Variants in FSTL5 observed in about 807,000 individuals in gnomAD.
The protein encoded by FSTL5 is follistatin like 5, also known as follistatin-related protein 5.
A neutral mutation model predicts 89.1 loss-of-function variants in FSTL5; 62 were observed. That is an observed-to-expected ratio of 0.70 (90% CI 0.57 to 0.86). The LOEUF (loss-of-function observed/expected upper bound fraction) is 0.86, where lower values mean the gene tolerates loss of function less well. FSTL5 is among the 40% of genes least tolerant of loss of function. The probability of loss-of-function intolerance (pLI) is 0.00; values close to 1 mark genes in which losing one functional copy is unlikely to be tolerated. For synonymous variants in FSTL5, 383 were observed against 346.2 expected (o/e 1.11, Z -1.18); for missense variants, 1,057 against 1,001.6 (o/e 1.06, Z -0.75).
At chr4:161,427,346 C>A (rs1370319835) in intron 15 of FSTL5, among the ~76,000 whole-genome samples, 2 of 152,182 alleles carry the variant, frequency 1.3e-5, no homozygotes, top group Middle Eastern at 3.2e-3. Context: ...AAACCTATAG[C>A]TGCATTTGTG....
chr4:161,640,860 C>T (rs1735933613), intron 7 of FSTL5, among the ~76,000 whole-genome samples: 1 of 134,058 alleles, frequency 7.5e-6, no homozygotes, highest in Non-Finnish European at 1.5e-5. Flanking sequence ...AGACACTTTA[C>T]AATCAAACCT....
intron 15 of FSTL5, among the ~76,000 whole-genome samples, chr4:161,396,665 A>G (rs1056313089): frequency 1.1e-4 from 16 of 151,614 alleles, no homozygotes; most frequent in Non-Finnish European, 2.2e-4. Flanking sequence ...AAAAAAAAAA[A>G]AAAGAAAAGA....
In FSTL5 at chr4:161,455,035, G is replaced by T. The variant is rs142056670; in HGVS notation, c.1810C>A (p.Pro604Thr). 1.2e-5 allele frequency: 19 copies of T among 1,613,232 alleles called. No homozygotes were observed. In the African/African-American group the frequency reaches 2.3e-4, roughly 19 times the overall value. The change falls in exon 15 of 16, where the codon CCC becomes ACC. Residue 604 changes from proline to threonine, a missense_variant. Pro to Thr is a conservative substitution (Grantham distance 38, BLOSUM62 -1). This residue lies in a region of FSTL5 where 980 missense variants were observed against 903.2 expected (regional missense o/e 1.08). Transcript: ENST00000306100. ...TGGGTGATAATGAGTGTTGTGGTGG[G>T]AATGAAAAAATCATCCACTCTGTCA... ...QFDRVDDFFI[P>T]TTTLIITHMR... is the part of the protein sequence containing the mutation.
At chr4:161,864,015 C>T (rs1048684938) in intron 4 of FSTL5, among the ~76,000 whole-genome samples, 5 of 152,156 alleles carry the variant, frequency 3.3e-5, no homozygotes, top group Non-Finnish European at 5.9e-5. Flanking sequence ...TTAGTTGGAA[C>T]CCCCATAAAG....
At chr4:162,098,774 A>G (rs1318471062) in intron 2 of FSTL5, among the ~76,000 whole-genome samples, 1 of 152,090 alleles carries the variant, frequency 6.6e-6, no homozygotes, top group African/African-American at 2.4e-5. Flanking sequence ...AATCACATAA[A>G]TATAACCAAC....
chr4:161,849,584 A>G (rs897362910), intron 4 of FSTL5, among the ~76,000 whole-genome samples: 2 of 151,610 alleles, frequency 1.3e-5, no homozygotes, highest in Admixed American at 1.3e-4. Context: ...ATTCTATTGG[A>G]TATTTTCCCT....
intron 7 of FSTL5, among the ~76,000 whole-genome samples, chr4:161,598,242 G>A (rs534145045): frequency 6.6e-6 from 1 of 152,098 alleles, no homozygotes; most frequent in Non-Finnish European, 1.5e-5. Context: ...GGGTGTGGTG[G>A]CATGCACCTG....
chr4:161,470,984 G>A (rs11100368), intron 13 of FSTL5, among the ~76,000 whole-genome samples: 150,613 of 152,332 alleles, frequency 0.99, 74,483 homozygotes, highest in Middle Eastern at 1. Flanking sequence ...AGTGTTTTGC[G>A]TAATTTTTAG....
At chr4:161,781,418 T>A (rs898927931) in intron 4 of FSTL5, among the ~76,000 whole-genome samples, 5 of 152,156 alleles carry the variant, frequency 3.3e-5, no homozygotes. Context: ...TTTTGAACTT[T>A]ACTTAAGTGT....
chr4:162,002,297 A>C (rs1736487283), intron 3 of FSTL5, among the ~76,000 whole-genome samples: 1 of 152,196 alleles, frequency 6.6e-6, no homozygotes, highest in Non-Finnish European at 1.5e-5. Flanking sequence ...TCTTCCCCTA[A>C]ATCCAGCTGT....
At chr4:161,840,299 G>A (rs972334006) in intron 4 of FSTL5, among the ~76,000 whole-genome samples, 3 of 152,070 alleles carry the variant, frequency 2.0e-5, no homozygotes, top group Non-Finnish European at 4.4e-5. Flanking sequence ...GTTTTCAAAT[G>A]ACTTCATTAA....
chr4:162,132,467 C>T (rs763493911), intron 1 of FSTL5, among the ~76,000 whole-genome samples: 2 of 152,088 alleles, frequency 1.3e-5, no homozygotes, highest in Non-Finnish European at 2.9e-5. Context: ...CCGAACACAT[C>T]GGAACATCAG....
chr4:161,759,396 G>A lies in FSTL5; in HGVS notation c.727+15C>T, dbSNP rs371717686. The stretch of plus-strand genomic sequence containing the variant: ...AAAGAACAAAGGGAAATTGGAGAAT[G>A]AATCTTGTACTCACGGAATGCTCTA... On this transcript the variant is annotated intron_variant, in intron 6 of 15. Coordinates refer to ENST00000306100, the MANE Select transcript of FSTL5 (RefSeq NM_020116.5). 10 of 1,567,886 alleles carry A rather than the reference G, an allele frequency of 6.4e-6. No individual in the cohort carries two copies. In the African/African-American group the frequency reaches 1.1e-4, roughly 17 times the overall value.
chr4:161,543,337 C>CAATCAATTG (rs1157165123), intron 8 of FSTL5, among the ~76,000 whole-genome samples: 1 of 151,828 alleles, frequency 6.6e-6, no homozygotes, highest in African/African-American at 2.4e-5. Flanking sequence ...TGATTGGTAA[C>CAATCAATTG]ATGGTACAAA....
intron 1 of FSTL5, among the ~76,000 whole-genome samples, chr4:162,133,859 A>G (rs1449935696): frequency 6.6e-6 from 1 of 152,192 alleles, no homozygotes; most frequent in Non-Finnish European, 1.5e-5. Context: ...TCTTCTCAGT[A>G]AGGATTCTCT....
At chr4:161,835,334 T>G (rs1230104859) in intron 4 of FSTL5, among the ~76,000 whole-genome samples, 1 of 152,062 alleles carries the variant, frequency 6.6e-6, no homozygotes, top group Non-Finnish European at 1.5e-5. Context: ...ACATTAGACC[T>G]AAAACCATAA....
chr4:161,836,065 C>T (rs1731028498), intron 4 of FSTL5, among the ~76,000 whole-genome samples: 1 of 152,042 alleles, frequency 6.6e-6, no homozygotes, highest in Non-Finnish European at 1.5e-5. Flanking sequence ...AAATGTCCAA[C>T]AATGATAGAC....
intron 6 of FSTL5, among the ~76,000 whole-genome samples, chr4:161,733,465 T>C (rs1348755092): frequency 6.6e-6 from 1 of 152,026 alleles, no homozygotes; most frequent in East Asian, 1.9e-4. Flanking sequence ...TTCATATCTG[T>C]ATGCTTTTCA....
At chr4:161,434,039 CAG>C (rs1350003656) in intron 15 of FSTL5, among the ~76,000 whole-genome samples, 2 of 151,854 alleles carry the variant, frequency 1.3e-5, no homozygotes, top group Non-Finnish European at 2.9e-5. Flanking sequence ...CTTCTCGAAA[CAG>C]AAAAAAGAAA....
Sources: allele counts gnomAD v4.1 joint callset (sites outside exome capture counted in the v4.1 genomes callset), GRCh38; gene constraint gnomAD v4.1.1; regional missense constraint gnomAD v4.1.1; transcripts MANE v1.5; gene names NCBI Gene and HGNC (gene_info 2026-07-23, HGNC 2026-07-21).